Variants in SIPA1L1 observed in about 807,000 individuals in gnomAD.
SIPA1L1 encodes the protein signal-induced proliferation-associated 1-like protein 1.
A neutral mutation model predicts 162.7 loss-of-function variants in SIPA1L1; 26 were observed. The observed-to-expected ratio is 0.16, with a 90% confidence interval of 0.12 to 0.22. The LOEUF (loss-of-function observed/expected upper bound fraction) is 0.22. SIPA1L1 is among the 10% of genes least tolerant of loss of function. The pLI is 1.00. For synonymous variants in SIPA1L1, 829 were observed against 837.4 expected (o/e 0.99, Z 0.17); for missense variants, 1,874 against 2,241.0 (o/e 0.84, Z 3.31).
intron 10 of SIPA1L1, among the ~76,000 whole-genome samples, chr14:71,667,200 C>T (rs1288492810): frequency 1.3e-5 from 2 of 152,180 alleles, no homozygotes; most frequent in East Asian, 3.9e-4. Flanking sequence ...CTCCCCAGAA[C>T]AGCATGCTCT....
chr14:71,497,037 C>T (rs1406444866), intron 2 of SIPA1L1, among the ~76,000 whole-genome samples: 4 of 151,900 alleles, frequency 2.6e-5, no homozygotes, highest in South Asian at 2.1e-4. Context: ...GGCATGGTGG[C>T]GCGTGTCTGT....
chr14:71,697,622 G>C (rs2081746476), intron 13 of SIPA1L1, among the ~76,000 whole-genome samples: 1 of 152,230 alleles, frequency 6.6e-6, no homozygotes, highest in Non-Finnish European at 1.5e-5. Flanking sequence ...CAGTCAAGAT[G>C]TTTAGGAGAG....
At chr14:71,417,279 G>C (rs2042839272) in intron 2 of SIPA1L1, among the ~76,000 whole-genome samples, 1 of 151,502 alleles carries the variant, frequency 6.6e-6, no homozygotes, top group South Asian at 2.1e-4. Context: ...AGACCATCCT[G>C]GCTAACACGG....
chr14:71,543,840 A>ACG, intron 4 of SIPA1L1, among the ~76,000 whole-genome samples: 1 of 149,660 alleles, frequency 6.7e-6, no homozygotes. Context: ...CATATATCAT[A>ACG]TGTATGTGTA....
intron 2 of SIPA1L1, among the ~76,000 whole-genome samples, chr14:71,475,802 T>C (rs1272242912): frequency 6.6e-6 from 1 of 152,214 alleles, no homozygotes; most frequent in Non-Finnish European, 1.5e-5. Context: ...AAATTGCCCT[T>C]TTAATGGTTA....
intron 2 of SIPA1L1, among the ~76,000 whole-genome samples, chr14:71,332,910 T>C (rs2034714088): frequency 6.6e-6 from 1 of 152,192 alleles, no homozygotes; most frequent in African/African-American, 2.4e-5. Context: ...TTAGGCCTTT[T>C]TATAGATAGT....
chr14:71,680,506 T>G (rs772123947), intron 12 of SIPA1L1, among the ~76,000 whole-genome samples: 5 of 151,900 alleles, frequency 3.3e-5, no homozygotes, highest in African/African-American at 4.8e-5. Context: ...CACCCTAACA[T>G]CACAATCAGA....
chr14:71,487,426 T>C (rs1252984541), intron 2 of SIPA1L1, among the ~76,000 whole-genome samples: 2 of 152,246 alleles, frequency 1.3e-5, no homozygotes, highest in Non-Finnish European at 2.9e-5. Flanking sequence ...ATTCTGTATA[T>C]CCATCATTTT....
Position 71,543,986 on chromosome 14 carries a change from T to TATGC in SIPA1L1, c.-303+14618_-303+14619insGCAT, listed in dbSNP as rs2054794053. On this transcript the variant is annotated intron_variant, in intron 4 of 23. Coordinates refer to ENST00000381232, the MANE Select transcript of SIPA1L1 (RefSeq NM_001386936.1). ...ATGTATATATACACACACGCACATG[T>TATGC]ATATATACACACACGCACATGTATA... Among the ~76,000 whole-genome samples the TATGC allele has an allele frequency of 2.0e-5, 3 of 149,898 alleles. No individual in the cohort carries two copies. The South Asian group carries it at 6.2e-4, about 31-fold the overall frequency.
At chr14:71,641,144 A>G (rs2041671290) in intron 7 of SIPA1L1, among the ~76,000 whole-genome samples, 1 of 152,184 alleles carries the variant, frequency 6.6e-6, no homozygotes, top group Non-Finnish European at 1.5e-5. Flanking sequence ...TTGAATTTCC[A>G]GAAGAGAAGA....
At chr14:71,649,693 C>T (rs545071299) in intron 7 of SIPA1L1, among the ~76,000 whole-genome samples, 7 of 152,148 alleles carry the variant, frequency 4.6e-5, no homozygotes, top group African/African-American at 1.7e-4. Context: ...TGTGAGGCCT[C>T]TTTTAAAGTT....
rs529229802 is a variant in SIPA1L1, at chr14:71,597,795, G to C, written c.1498+8425G>C. On this transcript the variant is annotated intron_variant, in intron 5 of 23. Transcript: ENST00000381232. ...GTCCTCCAGGGTTATGCAACCCTCTGAACCCCTCTCCTGCAAGGTTTAGAT... is the reference window on the plus strand; with the variant it reads ...GTCCTCCAGGGTTATGCAACCCTCTCAACCCCTCTCCTGCAAGGTTTAGAT... Among the ~76,000 whole-genome samples the C allele has an allele frequency of 3.5e-4, 53 of 152,144 alleles. No homozygotes were observed. The East Asian group carries it at 7.0e-3, about 20-fold the overall frequency.
At chr14:71,422,149 C>A (rs1348269648) in intron 2 of SIPA1L1, among the ~76,000 whole-genome samples, 1 of 152,114 alleles carries the variant, frequency 6.6e-6, no homozygotes, top group East Asian at 1.9e-4. Context: ...TTGGCTCATA[C>A]CTATAATAAT....
chr14:71,548,403 A>G (rs1270694794), intron 4 of SIPA1L1, among the ~76,000 whole-genome samples: 1 of 152,000 alleles, frequency 6.6e-6, no homozygotes, highest in African/African-American at 2.4e-5. Context: ...GATTTTTTTT[A>G]TTTATATCCT....
intron 12 of SIPA1L1, among the ~76,000 whole-genome samples, chr14:71,673,227 G>T (rs2044721818): frequency 6.6e-6 from 1 of 152,104 alleles, no homozygotes; most frequent in Non-Finnish European, 1.5e-5. Flanking sequence ...ACCCCCCACA[G>T]CTCCTGCCAA....
chr14:71,476,685 ATTTATTTT>A (rs1420720391), intron 2 of SIPA1L1, among the ~76,000 whole-genome samples: 1 of 125,180 alleles, frequency 8.0e-6, no homozygotes, highest in East Asian at 2.9e-4. Flanking sequence ...TTATTTATTT[ATTTATTTT>A]TTGAGATGGA....
At chr14:71,344,106 T>C (rs554349176) in intron 2 of SIPA1L1, among the ~76,000 whole-genome samples, 73 of 152,224 alleles carry the variant, frequency 4.8e-4, no homozygotes, top group Non-Finnish European at 9.7e-4. Flanking sequence ...TTGAAGTCAG[T>C]GTTTCATTTA....
At chr14:71,655,106 A>G (rs552901143) in intron 8 of SIPA1L1, among the ~76,000 whole-genome samples, 1 of 151,916 alleles carries the variant, frequency 6.6e-6, no homozygotes, top group South Asian at 2.1e-4. Flanking sequence ...GGGTTCTCCA[A>G]CCCTTCCTCT....
intron 5 of SIPA1L1, among the ~76,000 whole-genome samples, chr14:71,590,044 A>AAT (rs58833289): frequency 0.012 from 716 of 59,562 alleles, 4 homozygotes; most frequent in Non-Finnish European, 0.016. Flanking sequence ...AAAAAAAAAA[A>AAT]ATATATATAT....
Sources: allele counts gnomAD v4.1 joint callset (sites outside exome capture counted in the v4.1 genomes callset), GRCh38; gene constraint gnomAD v4.1.1; transcripts MANE v1.5; gene names NCBI Gene and HGNC (gene_info 2026-07-23, HGNC 2026-07-21).